Variants in FAM135A observed in about 807,000 individuals in gnomAD.
FAM135A encodes protein FAM135A.
A neutral mutation model predicts 146.8 loss-of-function variants in FAM135A; 79 were observed. The observed-to-expected ratio is 0.54, with a 90% confidence interval of 0.45 to 0.65. The LOEUF is 0.65. Among genes scored for constraint, FAM135A ranks in the 30% least tolerant of loss-of-function variants. The pLI, the probability that FAM135A is intolerant of heterozygous loss-of-function variation, is 0.00. For missense variants in FAM135A, 1,623 were observed against 1,758.2 expected, an observed-to-expected ratio of 0.92 and a Z score of 1.38; for synonymous variants, 562 against 603.6, an observed-to-expected ratio of 0.93 and a Z score of 1.01.
At chr6:70,435,079 G>A (rs893669440) in intron 4 of FAM135A, among the ~76,000 whole-genome samples, 2 of 89,860 alleles carry the variant, frequency 2.2e-5, no homozygotes, top group African/African-American at 3.5e-5. Context: ...GTGTGTGTGT[G>A]TGTATATATA....
At chr6:70,535,380 G>GT (rs1796602617) in intron 18 of FAM135A, among the ~76,000 whole-genome samples, 1 of 152,108 alleles carries the variant, frequency 6.6e-6, no homozygotes, top group Admixed American at 6.5e-5. Context: ...CCACAGACTG[G>GT]TACCTGTCTG....
At chr6:70,557,036 C>A in intron 21 of FAM135A, 173 bp downstream of exon 21, 1 of 603,502 alleles carries the variant, frequency 1.7e-6, no homozygotes, top group Non-Finnish European at 2.9e-6. Context: ...GCCACGTGAA[C>A]TGCCTTTACC....
chr6:70,455,513 C>T (rs993827493), intron 5 of FAM135A, among the ~76,000 whole-genome samples: 1 of 152,046 alleles, frequency 6.6e-6, no homozygotes, highest in Admixed American at 6.6e-5. Flanking sequence ...GCATACATGT[C>T]AATGTATATA....
At chr6:70,419,846 A>G (rs1225354989) in intron 2 of FAM135A, among the ~76,000 whole-genome samples, 2 of 152,186 alleles carry the variant, frequency 1.3e-5, no homozygotes, top group Non-Finnish European at 1.5e-5. Context: ...CACGTTTACT[A>G]CATTCTCTGG....
chr6:70,479,498 A>G (rs904220781), intron 8 of FAM135A, among the ~76,000 whole-genome samples: 1 of 152,188 alleles, frequency 6.6e-6, no homozygotes, highest in Non-Finnish European at 1.5e-5. Flanking sequence ...TGTTGCTGCT[A>G]GAACTTCGCT....
intron 11 of FAM135A, among the ~76,000 whole-genome samples, chr6:70,502,428 G>C (rs1024715272): frequency 1.3e-5 from 2 of 151,026 alleles, no homozygotes; most frequent in African/African-American, 5.0e-5. Flanking sequence ...TGGTTAAGTT[G>C]TTGAAAATTC....
rs138602892 is a variant in FAM135A, at chr6:70,499,234, C to G, written c.874-3402C>G. On this transcript the variant is annotated intron_variant, in intron 11 of 21. Transcript: ENST00000418814. ...ATCCCTTTACCATTATGTAATGACC[C>G]TCTTTGTCTTTTTTTATGTTTGTTG... Among the ~76,000 whole-genome samples the G allele has an allele frequency of 2.2e-3, 339 of 152,130 alleles. 9 individuals carry two copies. In the East Asian group the frequency reaches 0.041, roughly 18 times the overall value.
chr6:70,447,308 A>G lies in FAM135A; in HGVS notation c.78-5184A>G, dbSNP rs544167632. 1.1e-3 allele frequency among the ~76,000 whole-genome samples: 163 copies of G among 152,346 alleles called. 1 individual carries two copies. Among genetic ancestry groups the G allele is most frequent in the African/African-American group, 3.8e-3 (157 of 41,580 alleles). On this transcript the variant is annotated intron_variant, in intron 4 of 21. Coordinates refer to ENST00000418814, the MANE Select transcript of FAM135A (RefSeq NM_001162529.3). ...TTTTTACCATTCCCACATATGGCACAATCAGGAGCTGTGCTATTCGCTCTC... is the reference window on the plus strand; with the variant it reads ...TTTTTACCATTCCCACATATGGCACGATCAGGAGCTGTGCTATTCGCTCTC...
At chr6:70,452,430 G>T in intron 4 of FAM135A, 62 bp from the exon 5 acceptor site, 1 of 1,187,770 alleles carries the variant, frequency 8.4e-7, no homozygotes, top group Non-Finnish European at 1.2e-6. Flanking sequence ...AAATGTGGAA[G>T]TCGGGGCATT....
In FAM135A at chr6:70,542,248, GCACACACACA is replaced by G. The variant is rs112638092; in HGVS notation, c.4228+3867_4228+3876del. Among the ~76,000 whole-genome samples, 3 of 141,850 alleles carry G rather than the reference GCACACACACA, an allele frequency of 2.1e-5. No individual in the cohort carries two copies. The East Asian group carries it at 6.0e-4, about 28-fold the overall frequency. 93.1% of individuals were successfully genotyped at this position (141,850 alleles called of 152,430 possible). On this transcript the variant is annotated intron_variant, in intron 20 of 21. Coordinates refer to ENST00000418814, the MANE Select transcript of FAM135A (RefSeq NM_001162529.3). ...TGATTCTCTGTTTTCTTTTTATCCT[GCACACACACA>G]CACACACACACACACACACCCTTTG...
intron 16 of FAM135A, among the ~76,000 whole-genome samples, chr6:70,531,790 A>C (rs1795839683): frequency 6.7e-6 from 1 of 150,068 alleles, no homozygotes; most frequent in South Asian, 2.1e-4. Flanking sequence ...CCGTTATTTC[A>C]CCATTCTTCC....
At position 70,517,093 on chromosome 6, in the gene FAM135A, T is replaced by G. The variant is rs947834080; in HGVS notation, c.1030-5420T>G. 1.2e-4 allele frequency among the ~76,000 whole-genome samples: 18 copies of G among 152,348 alleles called. 1 individual carries two copies. The highest frequency in any genetic ancestry group is 3.4e-3 in the Middle Eastern group (1 of 294). On this transcript the variant is annotated intron_variant, in intron 12 of 21. Transcript: ENST00000418814. ...AAAGTACTTCTTTCTGGGAACATAT[T>G]GCTTATTTATAGTATATAATTTGAT... is the stretch of plus-strand genomic sequence containing the variant.
chr6:70,531,359 A>T (rs952723247), intron 16 of FAM135A, among the ~76,000 whole-genome samples: 4 of 152,222 alleles, frequency 2.6e-5, no homozygotes, highest in Non-Finnish European at 5.9e-5. Context: ...TCAAGATGAT[A>T]CTGGTAAAGC....
At chr6:70,475,028 T>C (rs1296374333) in intron 5 of FAM135A, among the ~76,000 whole-genome samples, 1 of 152,130 alleles carries the variant, frequency 6.6e-6, no homozygotes. Flanking sequence ...AATTCTTTAT[T>C]CCAAGTGTTT....
chr6:70,430,419 G>T (rs1285429142), intron 4 of FAM135A, among the ~76,000 whole-genome samples: 5 of 152,106 alleles, frequency 3.3e-5, no homozygotes, highest in Non-Finnish European at 7.4e-5. Context: ...GCATTCCATT[G>T]GCCAAGCAAG....
intron 10 of FAM135A, among the ~76,000 whole-genome samples, chr6:70,483,620 T>A (rs1784121896): frequency 6.6e-6 from 1 of 152,196 alleles, no homozygotes; most frequent in Non-Finnish European, 1.5e-5. Context: ...TAATGGAAAG[T>A]TATGTTTCAA....
chr6:70,486,181 C>T, intron 10 of FAM135A: 1 of 1,613,758 alleles, frequency 6.2e-7, no homozygotes, highest in Non-Finnish European at 8.5e-7. Context: ...GGCCAACATG[C>T]AGCTCCTATA....
At chr6:70,419,045 C>T (rs748619983) in intron 2 of FAM135A, among the ~76,000 whole-genome samples, 12 of 152,218 alleles carry the variant, frequency 7.9e-5, no homozygotes, top group African/African-American at 1.7e-4. Flanking sequence ...TTTCCTACTC[C>T]GCTGGGTCGG....
chr6:70,465,831 A>G (rs1285677343), intron 5 of FAM135A, among the ~76,000 whole-genome samples: 1 of 152,208 alleles, frequency 6.6e-6, no homozygotes, highest in Non-Finnish European at 1.5e-5. Context: ...AACATGAAGT[A>G]AGAAATAAAT....
Sources: gnomAD v4.1 joint callset for allele counts (sites outside exome capture counted in the v4.1 genomes callset) on GRCh38, gnomAD v4.1.1 for gene constraint, MANE v1.5 for transcripts, NCBI Gene and HGNC (gene_info 2026-07-23, HGNC 2026-07-21) for gene names.